Variants in DIAPH2 observed in about 807,000 individuals in gnomAD.
The protein encoded by DIAPH2 is protein diaphanous homolog 2.
Under a neutral mutation model 92.7 loss-of-function variants are expected in DIAPH2, and 35 were observed. The observed-to-expected ratio is 0.38, with a 90% CI of 0.29 to 0.50. The LOEUF (loss-of-function observed/expected upper bound fraction) is 0.50. Among genes scored for constraint, DIAPH2 ranks in the 20% least tolerant of loss-of-function variants. DIAPH2 has a pLI of 0.94. For synonymous variants in DIAPH2, 301 were observed against 280.4 expected (o/e 1.07, Z -0.73); for missense variants, 701 against 819.5 (o/e 0.86, Z 1.77).
intron 22 of DIAPH2, among the ~76,000 whole-genome samples, chrX:97,159,172 C>T (rs2067346684): frequency 8.9e-6 from 1 of 112,029 alleles, no homozygotes; most frequent in African/African-American, 3.2e-5. Flanking sequence ...TACAAACCCA[C>T]TATTTCAGTT....
At chrX:97,366,470 G>A (rs1353809026) in intron 24 of DIAPH2, among the ~76,000 whole-genome samples, 1 of 111,687 alleles carries the variant, frequency 9.0e-6, no homozygotes, top group African/African-American at 3.3e-5. Flanking sequence ...CTAATAATAG[G>A]CACAGGAAGT....
At chrX:97,380,892 T>A (rs2069545109) in intron 24 of DIAPH2, among the ~76,000 whole-genome samples, 1 of 112,121 alleles carries the variant, frequency 8.9e-6, no homozygotes, top group South Asian at 3.7e-4. Context: ...ATGGTTTTTT[T>A]AATTCTGTTT....
intron 4 of DIAPH2, among the ~76,000 whole-genome samples, chrX:96,837,758 C>G (rs1247202214): frequency 9.0e-6 from 1 of 110,902 alleles, no homozygotes; most frequent in Non-Finnish European, 1.9e-5. Flanking sequence ...GAAATGGCGG[C>G]CTTTTTGAAC....
chrX:97,409,569 TC>T (rs1452138607), intron 25 of DIAPH2, among the ~76,000 whole-genome samples: 1 of 111,581 alleles, frequency 9.0e-6, no homozygotes, highest in East Asian at 2.8e-4. Context: ...GGGCAGGGCA[TC>T]ACCTCACCCG....
chrX:97,278,430 T>C (rs2068469734), intron 23 of DIAPH2, among the ~76,000 whole-genome samples: 1 of 111,394 alleles, frequency 9.0e-6, no homozygotes, highest in African/African-American at 3.3e-5. Context: ...CATTATAGCA[T>C]TATACAGAAT....
chrX:97,323,722 G>A (rs2068924669), intron 23 of DIAPH2, among the ~76,000 whole-genome samples: 1 of 106,438 alleles, frequency 9.4e-6, no homozygotes, highest in African/African-American at 3.4e-5. Context: ...TGACCAACAC[G>A]GAGAAACCCC....
chrX:97,211,652 C>T (rs1266857136), intron 22 of DIAPH2, among the ~76,000 whole-genome samples: 1 of 111,724 alleles, frequency 9.0e-6, no homozygotes, highest in East Asian at 2.8e-4. Context: ...CCACACTGCA[C>T]ACTTAGAACA....
At chrX:97,287,952 C>CAAAAAAAAAAAAAAAAAAAAAAAAA (rs748309881) in intron 23 of DIAPH2, among the ~76,000 whole-genome samples, 1 of 39,789 alleles carries the variant, frequency 2.5e-5, no homozygotes, top group African/African-American at 1.1e-4. Context: ...GACTCTGTCT[C>CAAAAAAAAAAAAAAAAAAAAAAAAA]AAAAAAAAAA....
chrX:97,576,854 G>A (rs994069133), intron 26 of DIAPH2, among the ~76,000 whole-genome samples: 2 of 111,520 alleles, frequency 1.8e-5, no homozygotes, highest in Non-Finnish European at 3.8e-5. Context: ...AAAGGGAATC[G>A]TTTAGAAACA....
Position 97,368,956 on chromosome X carries a change from A to T in DIAPH2, c.3010-14953A>T, listed in dbSNP as rs189970868. ...GTTTCGCTCTTGTTGCCCAGACTGGAGTGCAATGGCACGATCTTGGCTCAC... is the reference window on the plus strand; with the variant it reads ...GTTTCGCTCTTGTTGCCCAGACTGGTGTGCAATGGCACGATCTTGGCTCAC... On this transcript the variant is annotated intron_variant, in intron 24 of 26. Coordinates refer to ENST00000324765, the MANE Select transcript of DIAPH2 (RefSeq NM_006729.5). Among the ~76,000 whole-genome samples the T allele has an allele frequency of 4.5e-3, 382 of 84,197 alleles. 3 individuals carry two copies. Among genetic ancestry groups the T allele is most frequent in the African/African-American group, 0.017 (360 of 20,939 alleles). The allele number at this position is 84,197 out of a possible 115,157, so 73.1% of individuals were successfully genotyped here.
chrX:97,526,124 T>C (rs938239572), intron 26 of DIAPH2, among the ~76,000 whole-genome samples: 2 of 111,646 alleles, frequency 1.8e-5, no homozygotes, highest in African/African-American at 6.5e-5. Context: ...TACCCTGGAA[T>C]GGCAGGTTTA....
chrX:97,464,462 C>A (rs1179122418), intron 26 of DIAPH2, among the ~76,000 whole-genome samples: 3 of 110,886 alleles, frequency 2.7e-5, no homozygotes, highest in African/African-American at 9.9e-5. Flanking sequence ...TTGAACATGA[C>A]TGCCACAACT....
intron 19 of DIAPH2, among the ~76,000 whole-genome samples, chrX:97,094,237 A>G: frequency 9.0e-6 from 1 of 111,656 alleles, no homozygotes; most frequent in East Asian, 2.8e-4. Context: ...ATTTGGCATT[A>G]TCAGCAGTGA....
At chrX:97,446,877 A>G (rs2070315970) in intron 26 of DIAPH2, among the ~76,000 whole-genome samples, 2 of 108,841 alleles carry the variant, frequency 1.8e-5, no homozygotes, top group Non-Finnish European at 3.8e-5. Context: ...AAAAAAAACT[A>G]TGAAAGAAGC....
At chrX:97,180,185 A>T in intron 22 of DIAPH2, among the ~76,000 whole-genome samples, 1 of 112,417 alleles carries the variant, frequency 8.9e-6, no homozygotes, top group Admixed American at 9.4e-5. Context: ...CCAACAGTGT[A>T]AAAGCATTCC....
At chrX:97,242,612 CGCCTCA>C (rs1158654152) in intron 22 of DIAPH2, among the ~76,000 whole-genome samples, 1 of 109,840 alleles carries the variant, frequency 9.1e-6, no homozygotes, top group Non-Finnish European at 1.9e-5. Flanking sequence ...ACGATCCACC[CGCCTCA>C]GCCTCCCAAA....
intron 26 of DIAPH2, among the ~76,000 whole-genome samples, chrX:97,484,884 GA>G (rs1412121684): frequency 9.4e-6 from 1 of 106,476 alleles, no homozygotes. Context: ...GACAGAGCGA[GA>G]AAAAAAAAAG....
chrX:96,779,738 A>C (rs1276962651), intron 4 of DIAPH2, among the ~76,000 whole-genome samples: 2 of 111,940 alleles, frequency 1.8e-5, no homozygotes, highest in African/African-American at 6.5e-5. Flanking sequence ...GTGTTTTCTA[A>C]AAACAAAAAA....
In DIAPH2 at chrX:96,957,784, A is replaced by T. The variant is rs747009588; in HGVS notation, c.1615-44A>T. ...GATATATATTTCTTCAGTTTTTTCA[A>T]TTATATTTTATAAGCATTTAAACTT... On this transcript the variant is annotated intron_variant, in intron 15 of 26. Coordinates refer to ENST00000324765, the MANE Select transcript of DIAPH2 (RefSeq NM_006729.5). 5 of 959,118 alleles carry T rather than the reference A, an allele frequency of 5.2e-6. No homozygotes were observed. In the Middle Eastern group the frequency reaches 1.0e-3, roughly 201 times the overall value. 79.0% of individuals were successfully genotyped at this position (959,118 alleles called of 1,213,427 possible).
Sources: gnomAD v4.1 joint callset for allele counts (sites outside exome capture counted in the v4.1 genomes callset) on GRCh38, gnomAD v4.1.1 for gene constraint, MANE v1.5 for transcripts, NCBI Gene and HGNC (gene_info 2026-07-23, HGNC 2026-07-21) for gene names.